The following UMAD1 variants were observed in gnomAD, a reference collection of about 807,000 sequenced individuals.
The protein encoded by UMAD1 is UBAP1-MVB12-associated (UMA) domain containing 1.
In UMAD1, 8 loss-of-function variants were observed where a neutral mutation model predicts 6.1. The ratio of observed to expected loss-of-function variants is 1.30; its 90% confidence interval spans 0.76 to 2.35. UMAD1 has a LOEUF of 2.35. Among genes scored for constraint, UMAD1 ranks in the 30% most tolerant of loss-of-function variants. UMAD1 has a pLI of 0.00. For missense variants in UMAD1, 130 were observed against 78.4 expected, an observed-to-expected ratio of 1.66 and a Z score of -2.49; for synonymous variants, 56 against 31.4, an observed-to-expected ratio of 1.78 and a Z score of -2.61.
intron 2 of UMAD1, among the ~76,000 whole-genome samples, chr7:7,717,863 TC>T (rs1448468801): frequency 6.6e-6 from 1 of 152,216 alleles, no homozygotes; most frequent in African/African-American, 2.4e-5. Flanking sequence ...GCCATAATTA[TC>T]AAATTGACAC....
intron 2 of UMAD1, chr7:7,676,130 G>A: frequency 2.5e-6 from 1 of 398,596 alleles, no homozygotes; most frequent in African/African-American, 2.1e-5. Flanking sequence ...CCAGTGACGT[G>A]CTGTTAAAAG....
At chr7:7,762,585 T>G (rs1360595552) in intron 2 of UMAD1, among the ~76,000 whole-genome samples, 1 of 152,206 alleles carries the variant, frequency 6.6e-6, no homozygotes, top group Non-Finnish European at 1.5e-5. Flanking sequence ...AAAGGTTTCG[T>G]TTGCTTCTGC....
intron 1 of UMAD1, among the ~76,000 whole-genome samples, chr7:7,648,165 C>A (rs929515285): frequency 6.6e-6 from 1 of 152,164 alleles, no homozygotes; most frequent in Non-Finnish European, 1.5e-5. Flanking sequence ...GAAGTCATTT[C>A]GTTCTAAATC....
chr7:7,701,470 T>A (rs1468532865), intron 2 of UMAD1, among the ~76,000 whole-genome samples: 1 of 152,226 alleles, frequency 6.6e-6, no homozygotes, highest in African/African-American at 2.4e-5. Context: ...CGTTGTTTGC[T>A]AGAGACTTTC....
At chr7:7,765,602 C>T (rs1054210560) in intron 2 of UMAD1, among the ~76,000 whole-genome samples, 3 of 152,026 alleles carry the variant, frequency 2.0e-5, no homozygotes, top group African/African-American at 7.3e-5. Context: ...GTCTCTGTGT[C>T]AGGGATTGAG....
At chr7:7,874,884 T>C (rs1269043472) in intron 3 of UMAD1, among the ~76,000 whole-genome samples, 1 of 152,224 alleles carries the variant, frequency 6.6e-6, no homozygotes, top group African/African-American at 2.4e-5. Flanking sequence ...ATCTGGGCGC[T>C]GGTTGCTCAT....
At chr7:7,771,751 C>T (rs147637695) in intron 2 of UMAD1, among the ~76,000 whole-genome samples, 102 of 152,162 alleles carry the variant, frequency 6.7e-4, no homozygotes, top group African/African-American at 2.3e-3. Flanking sequence ...GGTTTGGCCT[C>T]ACATTAGCTA....
intron 3 of UMAD1, among the ~76,000 whole-genome samples, chr7:7,814,724 T>G (rs994775421): frequency 1.3e-5 from 2 of 152,188 alleles, no homozygotes; most frequent in Admixed American, 6.5e-5. Context: ...CTTTCAAATC[T>G]CTGATAAAAT....
chr7:7,839,840 T>G (rs1583863951), intron 3 of UMAD1, among the ~76,000 whole-genome samples: 2 of 152,200 alleles, frequency 1.3e-5, no homozygotes, highest in Non-Finnish European at 2.9e-5. Flanking sequence ...TCTAGAGATT[T>G]ATGACCATAA....
Position 7,679,374 on chromosome 7 carries a change from AT to A in UMAD1, c.82+5922del, listed in dbSNP as rs1490101485. ...TATTTATATATTTAGTTTATAGATA[AT>A]ATATATTTATATATTTAATTTATAG... On this transcript the variant is annotated intron_variant, in intron 2 of 3. Transcript: ENST00000682710. 1.3e-3 allele frequency among the ~76,000 whole-genome samples: 13 copies of A among 10,192 alleles called. 6 individuals are homozygous for A. The highest frequency in any genetic ancestry group is 1.7e-3 in the Non-Finnish European group (13 of 7,522). The allele number at this position is 10,192 out of a possible 152,430, so 6.7% of individuals were successfully genotyped here.
At chr7:7,805,508 C>T (rs1038850761) in intron 3 of UMAD1, among the ~76,000 whole-genome samples, 1 of 152,078 alleles carries the variant, frequency 6.6e-6, no homozygotes, top group Non-Finnish European at 1.5e-5. Context: ...ACTAGGGCCC[C>T]ATTCTTTCTC....
intron 1 of UMAD1, among the ~76,000 whole-genome samples, chr7:7,657,604 C>G (rs1409547594): frequency 6.6e-6 from 1 of 151,968 alleles, no homozygotes; most frequent in Non-Finnish European, 1.5e-5. Flanking sequence ...TCAGGTATGT[C>G]AAAGATCAGA....
intron 1 of UMAD1, among the ~76,000 whole-genome samples, chr7:7,654,030 T>C (rs956491731): frequency 2.0e-5 from 3 of 152,208 alleles, no homozygotes; most frequent in African/African-American, 4.8e-5. Context: ...ATTATTCCGT[T>C]CTGTTTTTCA....
chr7:7,789,467 T>A (rs960742575), intron 2 of UMAD1, among the ~76,000 whole-genome samples: 2 of 152,130 alleles, frequency 1.3e-5, no homozygotes, highest in African/African-American at 4.8e-5. Context: ...TTTAATTTTT[T>A]AATTACTAGT....
intron 2 of UMAD1, among the ~76,000 whole-genome samples, chr7:7,698,726 C>T (rs1490413169): frequency 1.3e-5 from 2 of 152,032 alleles, no homozygotes; most frequent in African/African-American, 4.8e-5. Context: ...TAATTACCTG[C>T]TCCACTTCTT....
chr7:7,675,301 A>T (rs1583721012), intron 2 of UMAD1, among the ~76,000 whole-genome samples: 1 of 152,194 alleles, frequency 6.6e-6, no homozygotes, highest in Non-Finnish European at 1.5e-5. Flanking sequence ...TAAACTTTTT[A>T]TTCATCTACT....
chr7:7,744,971 G>A (rs1384228412), intron 2 of UMAD1, among the ~76,000 whole-genome samples: 1 of 152,122 alleles, frequency 6.6e-6, no homozygotes, highest in Non-Finnish European at 1.5e-5. Flanking sequence ...CTCCCCCAAA[G>A]CTTAAACTAC....
At position 7,795,574 on chromosome 7, in the gene UMAD1, C is replaced by T. The variant is rs116127039; in HGVS notation, c.83-6096C>T. ...GGCTGCCCCACAGGCAGAGCAGCTG[C>T]GAGGGCTGCTGGTTGGCTATTTTTA... On this transcript the variant is annotated intron_variant, in intron 2 of 3. Transcript: ENST00000682710. Among the ~76,000 whole-genome samples the T allele has an allele frequency of 2.6e-3, 403 of 152,258 alleles. 2 individuals carry two copies. The highest frequency in any genetic ancestry group is 8.9e-3 in the African/African-American group (371 of 41,538).
chr7:7,649,326 G>C (rs1785169698), intron 1 of UMAD1, among the ~76,000 whole-genome samples: 2 of 152,120 alleles, frequency 1.3e-5, no homozygotes, highest in Admixed American at 6.6e-5. Flanking sequence ...GTAAGGGAAG[G>C]GGACTAACTA....
Sources: allele counts gnomAD v4.1 joint callset (sites outside exome capture counted in the v4.1 genomes callset), GRCh38; gene constraint gnomAD v4.1.1; transcripts MANE v1.5; gene names NCBI Gene and HGNC (gene_info 2026-07-23, HGNC 2026-07-21).